The following L3MBTL4 variants were observed in gnomAD, a reference collection of about 807,000 sequenced individuals.
The protein encoded by L3MBTL4 is L3MBTL histone methyl-lysine binding protein 4.
A neutral mutation model predicts 84.5 loss-of-function variants in L3MBTL4; 70 were observed. That is an observed-to-expected ratio of 0.83 (90% CI 0.68 to 1.01). The LOEUF is 1.01. Ranked by LOEUF, L3MBTL4 falls within the 50% of genes least tolerant of loss-of-function variation. L3MBTL4 has a pLI of 0.00. For missense variants in L3MBTL4, 715 were observed against 754.8 expected, an observed-to-expected ratio of 0.95 and a Z score of 0.62; for synonymous variants, 274 against 259.8, an observed-to-expected ratio of 1.05 and a Z score of -0.52.
chr18:6,221,843 G>T (rs2046568873), intron 10 of L3MBTL4, among the ~76,000 whole-genome samples: 1 of 152,144 alleles, frequency 6.6e-6, no homozygotes, highest in Admixed American at 6.5e-5. Flanking sequence ...CAAATATCCG[G>T]GCCTCCAATG....
rs77305698 is a variant in L3MBTL4 at position 6,049,111 on chromosome 18, C to A, written c.1444+31770G>T. ...GACTTGCCTGGGCAACAGAGGAAGACCCCGTTCTCCAAACAAAAGAAAAAA... is the reference window on the plus strand; with the variant it reads ...GACTTGCCTGGGCAACAGAGGAAGAACCCGTTCTCCAAACAAAAGAAAAAA... On this transcript the variant is annotated intron_variant, in intron 16 of 18. Transcript: ENST00000317931. 2.2e-3 allele frequency among the ~76,000 whole-genome samples: 334 copies of A among 152,090 alleles called. 1 individual carries two copies. The highest frequency in any genetic ancestry group is 7.9e-3 in the African/African-American group (327 of 41,486).
intron 14 of L3MBTL4, 47 bp from the exon 15 acceptor site, chr18:6,093,575 A>G (rs1328007391): frequency 1.3e-6 from 2 of 1,489,802 alleles, no homozygotes; most frequent in African/African-American, 2.9e-5. Context: ...TACAGTGATA[A>G]ATCAGGGATC....
intron 1 of L3MBTL4, among the ~76,000 whole-genome samples, chr18:6,382,691 T>C (rs904596388): frequency 2.0e-5 from 3 of 152,236 alleles, no homozygotes; most frequent in Admixed American, 2.0e-4. Flanking sequence ...GGAAGCTTTA[T>C]TCCAAAGGGG....
chr18:5,992,307 G>A lies in L3MBTL4; in HGVS notation c.1445-22745C>T, dbSNP rs73374486. ...TCTTTCAGGCAGAGGTACACATGGC[G>A]CCTGGTTATGGGGGCCTGGGCCACA... On this transcript the variant is annotated intron_variant, in intron 16 of 18. Coordinates refer to ENST00000317931, the MANE Select transcript of L3MBTL4 (RefSeq NM_001330559.2). Among the ~76,000 whole-genome samples the A allele has an allele frequency of 8.0e-3, 1,219 of 152,236 alleles. 13 individuals are homozygous for A. Among genetic ancestry groups the A allele is most frequent in the Middle Eastern group, 0.031 (9 of 294 alleles).
intron 1 of L3MBTL4, among the ~76,000 whole-genome samples, chr18:6,316,238 C>G (rs427574): frequency 0.19 from 25,797 of 134,824 alleles, 3,693 homozygotes; most frequent in African/African-American, 0.32. Context: ...ATAATCTTCA[C>G]CAACAGCCTG....
chr18:6,291,971 T>C (rs1389022987), intron 4 of L3MBTL4, among the ~76,000 whole-genome samples: 1 of 147,568 alleles, frequency 6.8e-6, no homozygotes, highest in East Asian at 2.0e-4. Flanking sequence ...TGTAAGGAGC[T>C]CAAGCAATTC....
intron 5 of L3MBTL4, among the ~76,000 whole-genome samples, chr18:6,253,670 A>G (rs1433442988): frequency 6.6e-6 from 1 of 152,246 alleles, no homozygotes; most frequent in African/African-American, 2.4e-5. Flanking sequence ...AAGCTCATGG[A>G]CAACCACAGG....
Position 6,074,430 on chromosome 18 carries a change from G to A in L3MBTL4, c.1444+6451C>T, listed in dbSNP as rs535192222. Among the ~76,000 whole-genome samples the A allele has an allele frequency of 3.3e-5, 5 of 152,274 alleles. No homozygotes were observed. The South Asian group carries it at 8.3e-4, about 25-fold the overall frequency. ...ACACAACTATATACTTGGCTGTCAT[G>A]TTGTCCGTGTGTGAACTGAACAACA... On this transcript the variant is annotated intron_variant, in intron 16 of 18. Coordinates refer to ENST00000317931, the MANE Select transcript of L3MBTL4 (RefSeq NM_001330559.2).
Position 6,217,607 on chromosome 18 carries a change from T to A in L3MBTL4, c.785-1772A>T, listed in dbSNP as rs527361034. On this transcript the variant is annotated intron_variant, in intron 10 of 18. Coordinates refer to ENST00000317931, the MANE Select transcript of L3MBTL4 (RefSeq NM_001330559.2). ...GAACATTCTGGTATATTCTTTTTAGTGATAAGAAGTATACATTTATGTTGG... is the reference window on the plus strand; with the variant it reads ...GAACATTCTGGTATATTCTTTTTAGAGATAAGAAGTATACATTTATGTTGG... 6.6e-5 allele frequency among the ~76,000 whole-genome samples: 10 copies of A among 152,318 alleles called. No individual in the cohort carries two copies. In the East Asian group the frequency reaches 1.5e-3, roughly 24 times the overall value.
chr18:6,334,924 T>C (rs2052252051), intron 1 of L3MBTL4, among the ~76,000 whole-genome samples: 1 of 152,150 alleles, frequency 6.6e-6, no homozygotes, highest in Non-Finnish European at 1.5e-5. Context: ...GTCCCCTTTA[T>C]ATACGTCCAA....
intron 17 of L3MBTL4, among the ~76,000 whole-genome samples, chr18:5,965,402 G>C (rs547883559): frequency 1.3e-5 from 2 of 152,316 alleles, no homozygotes; most frequent in East Asian, 3.9e-4. Flanking sequence ...CAGACACGCT[G>C]TTTTAAGTCT....
intron 13 of L3MBTL4, among the ~76,000 whole-genome samples, chr18:6,160,788 C>T (rs1049580561): frequency 8.6e-5 from 13 of 151,322 alleles, no homozygotes; most frequent in African/African-American, 1.7e-4. Flanking sequence ...AATGGACATC[C>T]AAGTCTTCCT....
chr18:6,398,630 G>A (rs2055376702), intron 1 of L3MBTL4, among the ~76,000 whole-genome samples: 3 of 152,068 alleles, frequency 2.0e-5, no homozygotes, highest in Admixed American at 2.0e-4. Context: ...AGAAGTCTGA[G>A]GCTGGCAATC....
chr18:6,169,440 C>A (rs1383087922), intron 13 of L3MBTL4, among the ~76,000 whole-genome samples: 1 of 152,082 alleles, frequency 6.6e-6, no homozygotes, highest in Non-Finnish European at 1.5e-5. Context: ...AAATGTCCAA[C>A]AATGATAGAC....
chr18:6,239,930 T>C, intron 8 of L3MBTL4, 58 bp from the exon 9 acceptor site: 1 of 1,582,572 alleles, frequency 6.3e-7, no homozygotes, highest in East Asian at 2.2e-5. Flanking sequence ...CAAATAGGAC[T>C]GAGCCACTGT....
At chr18:6,276,604 G>A (rs1353759494) in intron 4 of L3MBTL4, among the ~76,000 whole-genome samples, 1 of 149,800 alleles carries the variant, frequency 6.7e-6, no homozygotes, top group African/African-American at 2.5e-5. Context: ...AATATTAATT[G>A]AATGCTTACT....
At chr18:6,168,072 C>A (rs1411920913) in intron 13 of L3MBTL4, among the ~76,000 whole-genome samples, 4 of 152,116 alleles carry the variant, frequency 2.6e-5, no homozygotes, top group African/African-American at 9.7e-5. Flanking sequence ...AACTCCCATT[C>A]ACAATTGCTT....
intron 16 of L3MBTL4, among the ~76,000 whole-genome samples, chr18:5,990,806 A>T (rs62076849): frequency 7.5e-6 from 1 of 133,604 alleles, no homozygotes; most frequent in African/African-American, 3.2e-5. Context: ...TGTGTGTGTG[A>T]TGGGCTACTC....
intron 12 of L3MBTL4, among the ~76,000 whole-genome samples, chr18:6,189,919 T>C (rs1228764308): frequency 6.6e-6 from 1 of 152,148 alleles, no homozygotes; most frequent in Non-Finnish European, 1.5e-5. Context: ...TATGCAACGA[T>C]TATCCCATAA....
Sources: allele counts gnomAD v4.1 joint callset (sites outside exome capture counted in the v4.1 genomes callset), GRCh38; gene constraint gnomAD v4.1.1; transcripts MANE v1.5; gene names NCBI Gene and HGNC (gene_info 2026-07-23, HGNC 2026-07-21).